Variants in NTSR1 observed in about 807,000 individuals in gnomAD.
The protein encoded by NTSR1 is neurotensin receptor type 1.
In NTSR1, 29 loss-of-function variants were observed where a neutral mutation model predicts 31.2. The observed-to-expected ratio is 0.93, with a 90% CI of 0.69 to 1.27. The LOEUF (loss-of-function observed/expected upper bound fraction) is 1.27. Among genes scored for constraint, NTSR1 ranks in the 50% most tolerant of loss-of-function variants. The pLI is 0.00. For synonymous variants in NTSR1, 282 were observed against 269.9 expected, an observed-to-expected ratio of 1.04 and a Z score of -0.44; for missense variants, 697 against 595.4, an observed-to-expected ratio of 1.17 and a Z score of -1.78.
chr20:62,753,687 A>G (rs1989431551), intron 1 of NTSR1, among the ~76,000 whole-genome samples: 1 of 152,254 alleles, frequency 6.6e-6, no homozygotes, highest in South Asian at 2.1e-4. Context: ...CATCTTACAA[A>G]GAACCGAAGG....
At chr20:62,727,368 G>C (rs892631847) in intron 1 of NTSR1, among the ~76,000 whole-genome samples, 2 of 152,228 alleles carry the variant, frequency 1.3e-5, no homozygotes, top group African/African-American at 4.8e-5. Context: ...CCAGCCCAGA[G>C]TGCCAGGAAC....
intron 1 of NTSR1, among the ~76,000 whole-genome samples, chr20:62,713,144 CCGT>C (rs1988650058): frequency 6.6e-6 from 1 of 152,228 alleles, no homozygotes; most frequent in Admixed American, 6.5e-5. Context: ...TCCTGAGCAG[CCGT>C]GAGGACTCCT....
Position 62,711,111 on chromosome 20 carries a change from C to A in NTSR1, c.714+1190C>A, listed in dbSNP as rs917853924. ...CTGTCTGTCACTCCCTGGGCCCTAA[C>A]TGACCCTCCACTGGCCACCACCCAG... On this transcript the variant is annotated intron_variant, in intron 1 of 3. Coordinates refer to ENST00000370501, the MANE Select transcript of NTSR1 (RefSeq NM_002531.3). The surrounding 1 kb of genome is among the most constrained non-coding windows in gnomAD (Gnocchi z 6.4). Among the ~76,000 whole-genome samples the A allele has an allele frequency of 1.3e-5, 2 of 152,160 alleles. No individual in the cohort carries two copies. Among genetic ancestry groups the A allele is most frequent in the African/African-American group, 4.8e-5 (2 of 41,448 alleles).
chr20:62,732,189 C>T lies in NTSR1; in HGVS notation c.714+22268C>T, dbSNP rs1385579384. Among the ~76,000 whole-genome samples, 2 of 151,892 alleles carry T rather than the reference C, an allele frequency of 1.3e-5. No individual in the cohort carries two copies. The highest frequency in any genetic ancestry group is 2.4e-5 in the African/African-American group (1 of 41,340). Reference sequence around the variant, plus strand: ...TAGCAAGTGTTGAAATCGGTAGTGTCCATCCTGTGAACTCACAGTATGACG... The same window carrying T: ...TAGCAAGTGTTGAAATCGGTAGTGTTCATCCTGTGAACTCACAGTATGACG... On this transcript the variant is annotated intron_variant, in intron 1 of 3. Transcript: ENST00000370501. The surrounding 1 kb of genome is among the most constrained non-coding windows in gnomAD (Gnocchi z 4.0).
intron 2 of NTSR1, chr20:62,756,517 G>A (rs1489185066): frequency 6.6e-6 from 1 of 152,300 alleles, no homozygotes; most frequent in East Asian, 1.9e-4. Flanking sequence ...TTCAGGGCTT[G>A]TTTGAGGGTG....
At chr20:62,748,137 T>C (rs1989333975) in intron 1 of NTSR1, among the ~76,000 whole-genome samples, 1 of 146,486 alleles carries the variant, frequency 6.8e-6, no homozygotes, top group African/African-American at 2.6e-5. Flanking sequence ...ATTGTGCCAT[T>C]GCACTCCAGC....
At chr20:62,726,643 C>T (rs1474717540) in intron 1 of NTSR1, among the ~76,000 whole-genome samples, 1 of 149,570 alleles carries the variant, frequency 6.7e-6, no homozygotes, top group African/African-American at 2.5e-5. Flanking sequence ...CGCAATGAGT[C>T]GTGATGGCAC....
chr20:62,737,176 C>T (rs2427435), intron 1 of NTSR1, among the ~76,000 whole-genome samples: 114,858 of 151,968 alleles, frequency 0.76, 45,780 homozygotes, highest in Non-Finnish European at 0.89. Flanking sequence ...GCCCCGTGTT[C>T]GTGAGGACGG....
chr20:62,753,336 G>A (rs892718747), intron 1 of NTSR1, among the ~76,000 whole-genome samples: 1 of 152,230 alleles, frequency 6.6e-6, no homozygotes, highest in African/African-American at 2.4e-5. Context: ...GCGAGACACG[G>A]CGAGGATTGT....
intron 1 of NTSR1, among the ~76,000 whole-genome samples, chr20:62,753,312 C>T (rs906902161): frequency 2.0e-5 from 3 of 152,218 alleles, no homozygotes; most frequent in African/African-American, 7.2e-5. Context: ...CCATGGCCAC[C>T]GCCGCCTTCA....
chr20:62,734,351 G>A (rs1394461873), intron 1 of NTSR1, among the ~76,000 whole-genome samples: 1 of 152,182 alleles, frequency 6.6e-6, no homozygotes, highest in Non-Finnish European at 1.5e-5. Context: ...TGCAGTAGGG[G>A]CTTTGTGGCC....
At position 62,711,015 on chromosome 20, in the gene NTSR1, T is replaced by C. The variant is rs1218021331; in HGVS notation, c.714+1094T>C. 6.6e-6 allele frequency among the ~76,000 whole-genome samples: 1 copy of C among 152,142 alleles called. No individual in the cohort carries two copies. The highest frequency in any genetic ancestry group is 1.5e-5 in the Non-Finnish European group (1 of 68,006). On this transcript the variant is annotated intron_variant, in intron 1 of 3. Transcript: ENST00000370501. This position sits in a 1 kb window ranked among gnomAD's most constrained non-coding sequence, Gnocchi z 6.4. ...CAGCCTCCCAGCTAAGCTTCTGTAG[T>C]TGCCTGGGCACCCCGCGTATGCCAG...
rs1230912431 is a variant in NTSR1, at chr20:62,732,181, G to A, written c.714+22260G>A. Among the ~76,000 whole-genome samples, 3 of 152,094 alleles carry A rather than the reference G, an allele frequency of 2.0e-5. No individual in the cohort carries two copies. Among genetic ancestry groups the A allele is most frequent in the East Asian group, 1.9e-4 (1 of 5,180 alleles). ...GGGCTTTATAGCAAGTGTTGAAATC[G>A]GTAGTGTCCATCCTGTGAACTCACA... On this transcript the variant is annotated intron_variant, in intron 1 of 3. Coordinates refer to ENST00000370501, the MANE Select transcript of NTSR1 (RefSeq NM_002531.3). The surrounding 1 kb of genome is among the most constrained non-coding windows in gnomAD (Gnocchi z 4.0).
chr20:62,734,579 C>T (rs768223017), intron 1 of NTSR1, among the ~76,000 whole-genome samples: 15 of 152,178 alleles, frequency 9.9e-5, no homozygotes, highest in Non-Finnish European at 1.9e-4. Context: ...GAGGAGCAGG[C>T]GCTGGTGTGC....
intron 1 of NTSR1, among the ~76,000 whole-genome samples, chr20:62,737,025 C>A (rs1054205775): frequency 2.6e-5 from 4 of 152,250 alleles, no homozygotes; most frequent in Admixed American, 6.5e-5. Flanking sequence ...GAGGCTCCCC[C>A]AGCCCTGCAG....
rs781541510 is a variant in NTSR1 at position 62,709,664 on chromosome 20, T to C, written c.457T>C (p.Tyr153His). ...GYYFLRDACT[Y>H]ATALNVASLS... ...CTACTTCCTGCGCGACGCCTGCACC[T>C]ACGCCACGGCCCTCAACGTGGCCAG... The change falls in exon 1 of 4, where the codon TAC becomes CAC. Residue 153 changes from tyrosine (Y) to histidine (H), a missense_variant. Transcript: ENST00000370501. 20 of 1,612,712 alleles carry C rather than the reference T, an allele frequency of 1.2e-5. No individual in the cohort carries two copies. In the South Asian group the frequency reaches 1.9e-4, roughly 15 times the overall value.
Position 62,709,767 on chromosome 20 carries a change from A to G in NTSR1, c.560A>G (p.Lys187Arg), listed in dbSNP as rs1348286743. 1 of 1,612,880 alleles carries G rather than the reference A, an allele frequency of 6.2e-7. No homozygotes were observed. The highest frequency in any genetic ancestry group is 8.5e-7 in the Non-Finnish European group (1 of 1,179,914). The change falls in exon 1 of 4, where the codon AAG becomes AGG. Residue 187 changes from lysine (K) to arginine (R), a missense_variant. Coordinates refer to ENST00000370501, the MANE Select transcript of NTSR1 (RefSeq NM_002531.3). ...CTCATGTCCCGAAGCCGCACCAAGA[A>G]GTTCATCAGCGCCATCTGGCTCGCC... is the stretch of plus-strand genomic sequence containing the variant. The part of the protein sequence containing the change: ...KTLMSRSRTK[K>R]FISAIWLASA...
chr20:62,727,044 AG>A (rs1424115318), intron 1 of NTSR1, among the ~76,000 whole-genome samples: 3 of 152,196 alleles, frequency 2.0e-5, no homozygotes, highest in Non-Finnish European at 4.4e-5. Context: ...CTGGAGGAGA[AG>A]GGTTTCTGCA....
Position 62,743,697 on chromosome 20 carries a change from C to T in NTSR1, c.715-10988C>T, listed in dbSNP as rs1033977772. Reference sequence around the variant, plus strand: ...CTTCCCACTCAGCACAGGCTGGCTGCGGAGCCGGGAAGCAGTGTGCCAGTC... The same window carrying T: ...CTTCCCACTCAGCACAGGCTGGCTGTGGAGCCGGGAAGCAGTGTGCCAGTC... On this transcript the variant is annotated intron_variant, in intron 1 of 3. Coordinates refer to ENST00000370501, the MANE Select transcript of NTSR1 (RefSeq NM_002531.3). This position sits in a 1 kb window ranked among gnomAD's most constrained non-coding sequence, Gnocchi z 7.5. Among the ~76,000 whole-genome samples, 4 of 152,126 alleles carry T rather than the reference C, an allele frequency of 2.6e-5. No homozygotes were observed. Among genetic ancestry groups the T allele is most frequent in the East Asian group, 1.9e-4 (1 of 5,160 alleles).
Sources: allele counts gnomAD v4.1 joint callset (sites outside exome capture counted in the v4.1 genomes callset), GRCh38; gene constraint gnomAD v4.1.1; non-coding constraint Gnocchi (gnomAD v3.1); transcripts MANE v1.5; gene names NCBI Gene and HGNC (gene_info 2026-07-23, HGNC 2026-07-21).